The following TCF20 variants were observed in gnomAD, a reference collection of about 807,000 sequenced individuals.
The protein encoded by TCF20 is SPRE-binding protein.
A neutral mutation model predicts 148.6 loss-of-function variants in TCF20; 3 were observed. The ratio of observed to expected loss-of-function variants is 0.02; its 90% CI spans 0.01 to 0.05. The LOEUF is 0.05. Ranked by LOEUF, TCF20 falls within the 10% of genes least tolerant of loss-of-function variation. The pLI, the probability that TCF20 is intolerant of heterozygous loss-of-function variation, is 1.00. For synonymous variants in TCF20, 1,049 were observed against 909.5 expected (o/e 1.15, Z -2.76); for missense variants, 2,350 against 2,429.3 (o/e 0.97, Z 0.69).
rs1275654747 is a variant in TCF20, at chr22:42,160,389, G to T, written c.*1014C>A. ...ACAGCGACAGTCCCTCCCCGTCCCT[G>T]CCTACAGCTCACACTGCCAGCTCTG... On this transcript the variant is annotated 3_prime_UTR_variant, in exon 6 of 6. Coordinates refer to ENST00000677622, the MANE Select transcript of TCF20 (RefSeq NM_001378418.1). 6.6e-6 allele frequency: 1 copy of T among 152,618 alleles called. No individual in the cohort carries two copies. Among genetic ancestry groups the T allele is most frequent in the Non-Finnish European group, 1.5e-5 (1 of 68,076 alleles). The allele number at this position is 152,618 out of a possible 1,614,324, so 9.5% of individuals were successfully genotyped here.
upstream of TCF20, among the ~76,000 whole-genome samples, chr22:42,270,938 G>A (rs931964127): frequency 6.6e-6 from 1 of 151,860 alleles, no homozygotes; most frequent in African/African-American, 2.4e-5. Context: ...GCGCCTCAGG[G>A]CCGTCTTGGG....
At chr22:42,283,964 G>T (rs1459240250) in exon 1 of TCF20, among the ~76,000 whole-genome samples, 1 of 152,352 alleles carries the variant, frequency 6.6e-6, no homozygotes, top group East Asian at 1.9e-4. Flanking sequence ...GGAAAGGGGG[G>T]CAGTTTCTCG....
intron 1 of TCF20, among the ~76,000 whole-genome samples, chr22:42,280,317 T>G (rs1926873742): frequency 2.0e-5 from 3 of 152,062 alleles, no homozygotes; most frequent in African/African-American, 7.2e-5. Flanking sequence ...CCACGGTGTG[T>G]AGGTGACTCC....
chr22:42,271,855 C>T (rs1036728798), upstream of TCF20, among the ~76,000 whole-genome samples: 10 of 152,118 alleles, frequency 6.6e-5, no homozygotes, highest in Admixed American at 3.3e-4. Flanking sequence ...GGTCTGGAAC[C>T]CAGATTTCCA....
intron 1 of TCF20, chr22:42,269,850 CTCCCGCCCACA>C (rs1261677808): frequency 1.3e-5 from 2 of 152,422 alleles, no homozygotes; most frequent in Non-Finnish European, 2.9e-5. Context: ...GCGCGGCGCC[CTCCCGCCCACA>C]TCCCGGCCCA....
At chr22:42,332,669 T>C (rs981722986) in intron 1 of TCF20, among the ~76,000 whole-genome samples, 2 of 152,122 alleles carry the variant, frequency 1.3e-5, no homozygotes, top group Non-Finnish European at 2.9e-5. Flanking sequence ...GGTTTCACCA[T>C]ATTGGCCAGG....
rs747866895 is a variant in TCF20, at chr22:42,168,710, G to C, written c.5826C>G (p.Pro1942=). The part of the protein sequence containing the change: ...HKPPLPCPLP[P]LQNKTAKGSL... Reference sequence around the variant, plus strand: ...TGCCTTTCGCGGTCTTGTTCTGCAAGGGGGGGAGAGGGCACGGAAGGGGAG... The same window carrying C: ...TGCCTTTCGCGGTCTTGTTCTGCAACGGGGGGAGAGGGCACGGAAGGGGAG... Residue 1942 remains proline (P), a synonymous_variant, in exon 5 of 6, where the codon CCC becomes CCG. Coordinates refer to ENST00000677622, the MANE Select transcript of TCF20 (RefSeq NM_001378418.1). 17 of 1,609,328 alleles carry C rather than the reference G, an allele frequency of 1.1e-5. No individual in the cohort carries two copies. The East Asian group carries it at 1.1e-4, about 11-fold the overall frequency.
chr22:42,275,269 G>C (rs928071893), upstream of TCF20: 1 of 152,210 alleles, frequency 6.6e-6, no homozygotes, highest in Admixed American at 6.6e-5. Context: ...CGGGCAGGTC[G>C]GGGGGCCTCA....
rs1053148636 is a variant in TCF20 at position 42,317,656 on chromosome 22, G to C, written c.-37+25823C>G. On this transcript the variant is annotated intron_variant, in intron 1 of 1. Transcript: ENST00000515426. The surrounding 1 kb of genome is among the most constrained non-coding windows in gnomAD (Gnocchi z 4.2). ...TGCATTCCCGCTGGGGGCTGGGGGG[G>C]AAAGGGGTGTAGACTCAGCCGCAGG... Among the ~76,000 whole-genome samples the C allele has an allele frequency of 1.3e-5, 2 of 152,232 alleles. No homozygotes were observed. The highest frequency in any genetic ancestry group is 4.8e-5 in the African/African-American group (2 of 41,464).
intron 2 of TCF20, among the ~76,000 whole-genome samples, chr22:42,180,809 AG>A (rs2147097785): frequency 6.6e-6 from 1 of 152,300 alleles, no homozygotes; most frequent in South Asian, 2.1e-4. Flanking sequence ...GAGACACCAA[AG>A]GGAAAATAAC....
In TCF20 at chr22:42,211,229, A is replaced by T. The variant is rs755094085; in HGVS notation, c.4077T>A (p.Ile1359=). The T allele has an allele frequency of 9.9e-6, 16 of 1,614,028 alleles. No individual in the cohort carries two copies. Among genetic ancestry groups the T allele is most frequent in the African/African-American group, 8.0e-5 (6 of 74,896 alleles). ...CGCTCCTCCTAATATTTGGGGATGTAATCTTCTGAACTATAGCTTCCAATT... is the reference window on the plus strand; with the variant it reads ...CGCTCCTCCTAATATTTGGGGATGTTATCTTCTGAACTATAGCTTCCAATT... ...GLKLEAIVQK[I]TSPNIRRSAS... is the part of the protein sequence containing the mutation. Residue 1359 remains isoleucine (I), a synonymous_variant, in exon 2 of 6, where the codon ATT becomes ATA. Transcript: ENST00000677622.
chr22:42,202,945 T>G (rs5758645), intron 2 of TCF20, among the ~76,000 whole-genome samples: 52,422 of 152,060 alleles, frequency 0.34, 10,616 homozygotes, highest in South Asian at 0.46. Context: ...ACATTTCAAC[T>G]GGTTTTCCAG....
At chr22:42,191,442 T>G (rs966340550) in intron 2 of TCF20, among the ~76,000 whole-genome samples, 4 of 152,060 alleles carry the variant, frequency 2.6e-5, no homozygotes, top group African/African-American at 9.7e-5. Context: ...GCACCCACCA[T>G]CACGTCCAGC....
intron 1 of TCF20, among the ~76,000 whole-genome samples, chr22:42,305,072 A>G (rs1927408290): frequency 6.6e-6 from 1 of 152,034 alleles, no homozygotes. Flanking sequence ...CTGGTCGCCC[A>G]TGGGAGAGAG....
intron 3 of TCF20, among the ~76,000 whole-genome samples, chr22:42,174,897 T>TGGCGGCGGGCGC (rs1936352360): frequency 6.6e-6 from 1 of 151,920 alleles, no homozygotes; most frequent in Non-Finnish European, 1.5e-5. Context: ...TAGCCGGGCG[T>TGGCGGCGGGCGC]GGCGGCGGGC....
rs1927301647 is a variant in TCF20, at chr22:42,299,818, G to C, written c.-37+43661C>G. On this transcript the variant is annotated intron_variant, in intron 1 of 1. Transcript: ENST00000515426. The surrounding 1 kb of genome is among the most constrained non-coding windows in gnomAD (Gnocchi z 4.1). ...AGGAGGAAGTGGTGGGGATGGGGGA[G>C]GGGAAGAGAGAAGGGGGAGAAGGAA... 6.6e-6 allele frequency among the ~76,000 whole-genome samples: 1 copy of C among 151,906 alleles called. No homozygotes were observed. The highest frequency in any genetic ancestry group is 1.5e-5 in the Non-Finnish European group (1 of 67,974).
chr22:42,306,969 G>A (rs1927445258), intron 1 of TCF20, among the ~76,000 whole-genome samples: 1 of 150,874 alleles, frequency 6.6e-6, no homozygotes, highest in African/African-American at 2.4e-5. Context: ...ACCCTGGGGA[G>A]CGGAGGTTGC....
At chr22:42,326,385 C>T (rs907604683) in intron 1 of TCF20, among the ~76,000 whole-genome samples, 26 of 152,214 alleles carry the variant, frequency 1.7e-4, no homozygotes, top group Non-Finnish European at 3.1e-4. Flanking sequence ...TGTGACAATG[C>T]CCCTTCCCAT....
At chr22:42,334,504 T>C (rs576081356) in intron 1 of TCF20, among the ~76,000 whole-genome samples, 1 of 152,328 alleles carries the variant, frequency 6.6e-6, no homozygotes, top group Non-Finnish European at 1.5e-5. Context: ...AGCAACTGTG[T>C]GCTGCAGCCA....
Sources: gnomAD v4.1 joint callset for allele counts (sites outside exome capture counted in the v4.1 genomes callset) on GRCh38, gnomAD v4.1.1 for gene constraint, Gnocchi (gnomAD v3.1) non-coding constraint, MANE v1.5 for transcripts, NCBI Gene and HGNC (gene_info 2026-07-23, HGNC 2026-07-21) for gene names.